KHDRBS2: variants seen among roughly 807,000 people sequenced by gnomAD.
KHDRBS2 encodes KH domain-containing, RNA-binding, signal transduction-associated protein 2.
Under a neutral mutation model 44.3 loss-of-function variants are expected in KHDRBS2, and 26 were observed. The observed-to-expected ratio is 0.59, with a 90% CI of 0.43 to 0.81. The LOEUF is 0.81. Among genes scored for constraint, KHDRBS2 ranks in the 40% least tolerant of loss-of-function variants. KHDRBS2 has a pLI of 0.00. For synonymous variants in KHDRBS2, 194 were observed against 151.1 expected (o/e 1.28, Z -2.08); for missense variants, 476 against 433.1 (o/e 1.10, Z -0.88).
intron 6 of KHDRBS2, among the ~76,000 whole-genome samples, chr6:61,746,615 T>C (rs1776895722): frequency 6.6e-6 from 1 of 152,304 alleles, no homozygotes; most frequent in East Asian, 1.9e-4. Flanking sequence ...TCAATAAACA[T>C]ACATGGGTAT....
At chr6:62,131,216 T>C (rs967201836) in intron 2 of KHDRBS2, among the ~76,000 whole-genome samples, 4 of 152,202 alleles carry the variant, frequency 2.6e-5, no homozygotes, top group Non-Finnish European at 5.9e-5. Flanking sequence ...ACTGTACTTT[T>C]GAGAATTGAG....
chr6:62,261,111 G>C (rs1349779077), intron 1 of KHDRBS2, among the ~76,000 whole-genome samples: 1 of 151,830 alleles, frequency 6.6e-6, no homozygotes, highest in African/African-American at 2.4e-5. Context: ...GATCCCAAAT[G>C]AATGTGCTAA....
At chr6:61,989,025 A>C (rs1775613301) in intron 3 of KHDRBS2, among the ~76,000 whole-genome samples, 1 of 152,204 alleles carries the variant, frequency 6.6e-6, no homozygotes, top group Admixed American at 6.5e-5. Flanking sequence ...AAAAGACATG[A>C]TTTACCATGT....
At chr6:62,150,572 T>C (rs1484087298) in intron 2 of KHDRBS2, among the ~76,000 whole-genome samples, 3 of 152,158 alleles carry the variant, frequency 2.0e-5, no homozygotes, top group Non-Finnish European at 4.4e-5. Context: ...AACCATAATG[T>C]TTTATTTTCT....
chr6:62,135,854 A>G lies in KHDRBS2; in HGVS notation c.219+41331T>C, dbSNP rs576028269. 2.1e-3 allele frequency among the ~76,000 whole-genome samples: 325 copies of G among 152,194 alleles called. 1 individual carries two copies. Among genetic ancestry groups the G allele is most frequent in the African/African-American group, 7.4e-3 (305 of 41,482 alleles). ...AGCATAGTCTTTTTCACATATGGAAAGTAAAAAAACAAAAAAAGGACTGTA... is the reference window on the plus strand; with the variant it reads ...AGCATAGTCTTTTTCACATATGGAAGGTAAAAAAACAAAAAAAGGACTGTA... On this transcript the variant is annotated intron_variant, in intron 2 of 8. Coordinates refer to ENST00000281156, the MANE Select transcript of KHDRBS2 (RefSeq NM_152688.4).
At chr6:61,924,057 A>T (rs1452173329) in intron 4 of KHDRBS2, among the ~76,000 whole-genome samples, 3 of 152,116 alleles carry the variant, frequency 2.0e-5, no homozygotes, top group Non-Finnish European at 4.4e-5. Context: ...TGTAGTAAAA[A>T]ATTACATAAA....
At chr6:61,792,535 A>C (rs1411609251) in intron 6 of KHDRBS2, among the ~76,000 whole-genome samples, 9 of 151,682 alleles carry the variant, frequency 5.9e-5, no homozygotes, top group Admixed American at 4.6e-4. Context: ...CTGAGTTTGA[A>C]ATTGTATGTG....
At chr6:61,771,253 CA>C (rs1166813595) in intron 6 of KHDRBS2, among the ~76,000 whole-genome samples, 1 of 152,134 alleles carries the variant, frequency 6.6e-6, no homozygotes, top group Non-Finnish European at 1.5e-5. Flanking sequence ...TAAAGACCAT[CA>C]AGGCTAGGAA....
intron 4 of KHDRBS2, among the ~76,000 whole-genome samples, chr6:61,932,908 T>A (rs1290074158): frequency 6.6e-6 from 1 of 152,350 alleles, no homozygotes; most frequent in Admixed American, 6.5e-5. Context: ...AATGGTAGGA[T>A]TTCATTCTTT....
chr6:62,177,590 A>G (rs1402350930), intron 1 of KHDRBS2, among the ~76,000 whole-genome samples: 2 of 151,470 alleles, frequency 1.3e-5, no homozygotes. Context: ...TTAATTTTTA[A>G]TATCTTCAAA....
intron 4 of KHDRBS2, among the ~76,000 whole-genome samples, chr6:61,913,310 C>T (rs1219671658): frequency 6.6e-6 from 1 of 151,804 alleles, no homozygotes; most frequent in Non-Finnish European, 1.5e-5. Context: ...CTGTCCTTTG[C>T]CTGAGGTGGG....
rs181787083 is a variant in KHDRBS2, at chr6:61,907,677, T to A, written c.484-6306A>T. Among the ~76,000 whole-genome samples, 907 of 152,352 alleles carry A rather than the reference T, an allele frequency of 6.0e-3. 7 individuals carry two copies. Among genetic ancestry groups the A allele is most frequent in the Non-Finnish European group, 0.011 (746 of 68,026 alleles). ...ATTAAAGAGACTGTCTTTTCCCTAATGTATGTTCTTGGTACCTTTGTTCTT... is the reference window on the plus strand; with the variant it reads ...ATTAAAGAGACTGTCTTTTCCCTAAAGTATGTTCTTGGTACCTTTGTTCTT... On this transcript the variant is annotated intron_variant, in intron 4 of 8. Transcript: ENST00000281156.
At chr6:62,066,914 C>A (rs569550334) in intron 2 of KHDRBS2, among the ~76,000 whole-genome samples, 1 of 151,398 alleles carries the variant, frequency 6.6e-6, no homozygotes, top group East Asian at 2.0e-4. Flanking sequence ...TTATTGCATA[C>A]CATACAGATA....
intron 4 of KHDRBS2, among the ~76,000 whole-genome samples, chr6:61,969,673 A>G (rs1403727897): frequency 6.6e-6 from 1 of 152,046 alleles, no homozygotes; most frequent in African/African-American, 2.4e-5. Context: ...AAAAGAACAG[A>G]AGAGGATTAA....
chr6:62,201,582 C>T (rs1827001769), intron 1 of KHDRBS2, among the ~76,000 whole-genome samples: 1 of 151,934 alleles, frequency 6.6e-6, no homozygotes, highest in South Asian at 2.1e-4. Context: ...AGACAGTGAG[C>T]TACAGGTAGA....
rs1436649680 is a variant in KHDRBS2, at chr6:61,732,875, G to T, written c.811-111C>A. 6 of 686,964 alleles carry T rather than the reference G, an allele frequency of 8.7e-6. No homozygotes were observed. In the African/African-American group the frequency reaches 1.1e-4, roughly 12 times the overall value. The allele number at this position is 686,964 out of a possible 1,614,324, so 42.6% of individuals were successfully genotyped here. A position where few individuals can be genotyped will look rare whatever the true frequency, so the allele number is the denominator to read the frequency against. On this transcript the variant is annotated intron_variant, in intron 6 of 8. Coordinates refer to ENST00000281156, the MANE Select transcript of KHDRBS2 (RefSeq NM_152688.4). ...GATCTTGGTTTAGATTTCATGTTGGGTAAGTATCCATATATCACATTTTAC... is the reference window on the plus strand; with the variant it reads ...GATCTTGGTTTAGATTTCATGTTGGTTAAGTATCCATATATCACATTTTAC...
chr6:61,968,154 A>G (rs1770542857), intron 4 of KHDRBS2, among the ~76,000 whole-genome samples: 1 of 151,950 alleles, frequency 6.6e-6, no homozygotes, highest in Admixed American at 6.6e-5. Flanking sequence ...TATACACATT[A>G]CCATGCCAGT....
At chr6:61,658,714 T>C in the KHDRBS2 span, among the ~76,000 whole-genome samples, 1 of 151,890 alleles carries the variant, frequency 6.6e-6, no homozygotes, top group African/African-American at 2.4e-5. Context: ...AGAACCACTG[T>C]TCAGATTACA....
chr6:61,816,545 G>C (rs891287418), intron 6 of KHDRBS2: 3 of 415,344 alleles, frequency 7.2e-6, no homozygotes, highest in African/African-American at 2.1e-5. Context: ...GCACGACCCT[G>C]CTGACATATT....
Sources: gnomAD v4.1 joint callset for allele counts (sites outside exome capture counted in the v4.1 genomes callset) on GRCh38, gnomAD v4.1.1 for gene constraint, MANE v1.5 for transcripts, NCBI Gene and HGNC (gene_info 2026-07-23, HGNC 2026-07-21) for gene names.